SND1: variants seen among roughly 807,000 people sequenced by gnomAD.
The protein encoded by SND1 is staphylococcal nuclease domain-containing protein 1.
SND1 carries 38 observed loss-of-function variants against 121.7 expected under a neutral mutation model. The observed-to-expected ratio is 0.31, with a 90% CI of 0.24 to 0.41. The LOEUF (loss-of-function observed/expected upper bound fraction) is 0.41. Ranked by LOEUF, SND1 falls within the 10% of genes least tolerant of loss-of-function variation. The pLI is 1.00. For synonymous variants in SND1, 401 were observed against 447.4 expected, an observed-to-expected ratio of 0.90 and a Z score of 1.31; for missense variants, 868 against 1,184.6, an observed-to-expected ratio of 0.73 and a Z score of 3.92.
At chr7:127,958,329 A>G (rs907748385) in intron 15 of SND1, among the ~76,000 whole-genome samples, 1 of 152,242 alleles carries the variant, frequency 6.6e-6, no homozygotes, top group Non-Finnish European at 1.5e-5. Flanking sequence ...GATTTAATAC[A>G]TACAACAACC....
intron 16 of SND1, chr7:128,031,918 G>C (rs984788242): frequency 1.3e-5 from 2 of 151,302 alleles, no homozygotes; most frequent in African/African-American, 4.8e-5. Flanking sequence ...AGCAGCGGGG[G>C]TCGCGGCTGC....
At chr7:127,752,316 T>C (rs1046775691) in intron 10 of SND1, among the ~76,000 whole-genome samples, 6 of 152,230 alleles carry the variant, frequency 3.9e-5, no homozygotes, top group African/African-American at 1.4e-4. Context: ...TGGTGAGTTT[T>C]GTTTTGCAGC....
At chr7:127,811,143 T>C (rs1240740408) in intron 11 of SND1, among the ~76,000 whole-genome samples, 1 of 152,226 alleles carries the variant, frequency 6.6e-6, no homozygotes, top group African/African-American at 2.4e-5. Context: ...TTTTGTGGCT[T>C]TCATGCCATT....
chr7:127,734,657 C>T (rs1390817176), intron 10 of SND1, among the ~76,000 whole-genome samples: 1 of 152,108 alleles, frequency 6.6e-6, no homozygotes, highest in Non-Finnish European at 1.5e-5. Context: ...CCTCAAGCAC[C>T]TTCTGAACTG....
chr7:127,688,721 A>T (rs2116311742), intron 2 of SND1, among the ~76,000 whole-genome samples: 1 of 150,466 alleles, frequency 6.6e-6, no homozygotes, highest in Middle Eastern at 3.4e-3. Flanking sequence ...GACCCTGTCT[A>T]AAAAAAAATA....
chr7:127,853,131 A>G (rs992791480), intron 12 of SND1, among the ~76,000 whole-genome samples: 13 of 152,124 alleles, frequency 8.5e-5, no homozygotes, highest in Non-Finnish European at 8.8e-5. Flanking sequence ...CAAGCAAATT[A>G]TAGACCCCAC....
At chr7:127,736,974 G>A (rs909623122) in intron 10 of SND1, among the ~76,000 whole-genome samples, 1 of 152,148 alleles carries the variant, frequency 6.6e-6, no homozygotes, top group African/African-American at 2.4e-5. Flanking sequence ...CTTCTACAGT[G>A]CACTTGTGAG....
At position 127,687,669 on chromosome 7, in the gene SND1, G is replaced by T. The variant is rs147191098; in HGVS notation, c.228+907G>T. On this transcript the variant is annotated intron_variant, in intron 2 of 23. Coordinates refer to ENST00000354725, the MANE Select transcript of SND1 (RefSeq NM_014390.4). ...GTGATTTCAGTATTTTTTTATGGCT[G>T]CCCATACTTTATTACTGATTTTTTT... Among the ~76,000 whole-genome samples, 131 of 152,074 alleles carry T rather than the reference G, an allele frequency of 8.6e-4. 2 individuals carry two copies. The highest frequency in any genetic ancestry group is 3.1e-3 in the African/African-American group (128 of 41,484).
chr7:127,896,437 G>GC (rs1800121410), intron 13 of SND1, among the ~76,000 whole-genome samples: 2 of 152,160 alleles, frequency 1.3e-5, no homozygotes, highest in South Asian at 4.1e-4. Flanking sequence ...CTCAGACCAG[G>GC]CACATCACTA....
chr7:127,832,495 A>G (rs1798778382), intron 11 of SND1, among the ~76,000 whole-genome samples: 1 of 152,264 alleles, frequency 6.6e-6, no homozygotes, highest in Non-Finnish European at 1.5e-5. Context: ...ATGATGGTGA[A>G]TGCACTGAAA....
At chr7:127,837,321 CA>C (rs1798884954) in intron 11 of SND1, among the ~76,000 whole-genome samples, 2 of 151,926 alleles carry the variant, frequency 1.3e-5, no homozygotes, top group African/African-American at 4.8e-5. Context: ...AGATTTAATA[CA>C]AAAAAAGATC....
chr7:127,961,371 TAGTA>T (rs1205668929), intron 15 of SND1, among the ~76,000 whole-genome samples: 1 of 152,212 alleles, frequency 6.6e-6, no homozygotes, highest in East Asian at 1.9e-4. Flanking sequence ...AGCTGTATGA[TAGTA>T]AGATCTAGAT....
chr7:128,046,270 T>C (rs1008399195), intron 16 of SND1, among the ~76,000 whole-genome samples: 1 of 152,048 alleles, frequency 6.6e-6, no homozygotes, highest in African/African-American at 2.4e-5. Context: ...GCTAATTGTT[T>C]TTATTTTTTG....
At chr7:127,703,406 C>T (rs535672853) in intron 7 of SND1, 83 bp downstream of exon 7, 1 of 1,472,164 alleles carries the variant, frequency 6.8e-7, no homozygotes, top group Admixed American at 1.9e-5. Flanking sequence ...TTCTCTTTCT[C>T]TGTATTTAAC....
intron 11 of SND1, among the ~76,000 whole-genome samples, chr7:127,839,073 C>T (rs969372397): frequency 6.6e-6 from 1 of 152,218 alleles, no homozygotes; most frequent in Non-Finnish European, 1.5e-5. Flanking sequence ...GAACCAGTCA[C>T]TGCAGCCTGG....
At chr7:128,003,437 G>C (rs11770968) in intron 16 of SND1, among the ~76,000 whole-genome samples, 2 of 152,100 alleles carry the variant, frequency 1.3e-5, no homozygotes, top group African/African-American at 2.4e-5. Context: ...TCTTGATGCA[G>C]TCGAATTCTT....
chr7:127,814,652 A>G (rs1798396691), intron 11 of SND1, among the ~76,000 whole-genome samples: 2 of 152,210 alleles, frequency 1.3e-5, no homozygotes, highest in African/African-American at 4.8e-5. Context: ...TGTATCTGCA[A>G]AATAACCCAT....
intron 1 of SND1, among the ~76,000 whole-genome samples, chr7:127,677,743 T>C (rs996348754): frequency 6.6e-6 from 1 of 152,218 alleles, no homozygotes; most frequent in African/African-American, 2.4e-5. Context: ...TTCATACTCT[T>C]TTGCATGTTA....
At chr7:127,733,892 G>C (rs895057934) in intron 10 of SND1, among the ~76,000 whole-genome samples, 3 of 152,104 alleles carry the variant, frequency 2.0e-5, no homozygotes, top group Non-Finnish European at 2.9e-5. Context: ...ATCTAGTTGA[G>C]CTTTTCCCCT....
Sources: gnomAD v4.1 joint callset for allele counts (sites outside exome capture counted in the v4.1 genomes callset) on GRCh38, gnomAD v4.1.1 for gene constraint, MANE v1.5 for transcripts, NCBI Gene and HGNC (gene_info 2026-07-23, HGNC 2026-07-21) for gene names.